Variants in COBL observed in about 807,000 individuals in gnomAD.
COBL encodes the protein cordon-bleu WH2 repeat protein, also known as protein cordon-bleu.
A neutral mutation model predicts 98.8 loss-of-function variants in COBL; 51 were observed. The observed-to-expected ratio is 0.52, with a 90% CI of 0.41 to 0.65. The LOEUF (loss-of-function observed/expected upper bound fraction) is 0.65, where lower values mean the gene tolerates loss of function less well. Among genes scored for constraint, COBL ranks in the 30% least tolerant of loss-of-function variants. The pLI is 0.00. For missense variants in COBL, 1,617 were observed against 1,617.5 expected, an observed-to-expected ratio of 1.00 and a Z score of 0.01; for synonymous variants, 634 against 651.7, an observed-to-expected ratio of 0.97 and a Z score of 0.41.
Position 51,187,185 on chromosome 7 carries a change from A to G in COBL, c.686-2986T>C, listed in dbSNP as rs10254663. Among the ~76,000 whole-genome samples the G allele has an allele frequency of 3.6e-3, 553 of 152,152 alleles. 4 individuals are homozygous for G. The highest frequency in any genetic ancestry group is 0.013 in the African/African-American group (533 of 41,498). ...ACGAGTCCAAACCACTCACTTGTCT[A>G]GAGGAGGAGACTCAGTGACCAGAAC... is the stretch of plus-strand genomic sequence containing the variant. On this transcript the variant is annotated intron_variant, in intron 4 of 12. Coordinates refer to ENST00000265136, the MANE Select transcript of COBL (RefSeq NM_015198.5).
chr7:51,189,156 G>A (rs1384461152), intron 4 of COBL, among the ~76,000 whole-genome samples: 2 of 152,080 alleles, frequency 1.3e-5, no homozygotes, highest in African/African-American at 4.8e-5. Flanking sequence ...AAATGTCAGA[G>A]TACTTTTTTT....
chr7:51,227,123 G>A (rs1037604414), intron 1 of COBL, among the ~76,000 whole-genome samples: 1 of 152,176 alleles, frequency 6.6e-6, no homozygotes, highest in South Asian at 2.1e-4. Flanking sequence ...GCCCTGCAGT[G>A]CCGGCTGATG....
intron 7 of COBL, chr7:51,065,444 C>T (rs1007422618): frequency 1.3e-5 from 9 of 699,168 alleles, no homozygotes; most frequent in Non-Finnish European, 2.4e-5. Context: ...TCAGCTGCTC[C>T]ATAAACTGTA....
chr7:51,252,264 CAT>C (rs1270546707), intron 1 of COBL, among the ~76,000 whole-genome samples: 8 of 152,140 alleles, frequency 5.3e-5, no homozygotes, highest in African/African-American at 1.9e-4. Flanking sequence ...ATATATTGTA[CAT>C]GTTTTTCATA....
At position 51,016,331 on chromosome 7, in the gene COBL, A is replaced by G. The variant is rs1786284869; in HGVS notation, c.*1220T>C. ...CAACGTTAATCAGTGAATGCAGAAC[A>G]GCTTCCATTCTACCTGAGGCCTAGA... On this transcript the variant is annotated 3_prime_UTR_variant, in exon 13 of 13. Transcript: ENST00000265136. 1 of 152,236 alleles carries G rather than the reference A, an allele frequency of 6.6e-6. No individual in the cohort carries two copies. Among genetic ancestry groups the G allele is most frequent in the Admixed American group, 6.5e-5 (1 of 15,280 alleles). The allele number at this position is 152,236 out of a possible 1,614,324, so 9.4% of individuals were successfully genotyped here. A position where few individuals can be genotyped will look rare whatever the true frequency, so the allele number is the denominator to read the frequency against.
chr7:51,146,425 T>A (rs1358827143), intron 5 of COBL, among the ~76,000 whole-genome samples: 1 of 152,176 alleles, frequency 6.6e-6, no homozygotes, highest in East Asian at 1.9e-4. Context: ...AGGTCACCCA[T>A]GAAGTTCACC....
intron 7 of COBL, among the ~76,000 whole-genome samples, chr7:51,070,187 T>C (rs552074070): frequency 6.6e-6 from 1 of 152,294 alleles, no homozygotes; most frequent in Admixed American, 6.5e-5. Flanking sequence ...TATGCGTTGC[T>C]ATTGGTGACA....
In COBL at chr7:51,219,729, A is replaced by G. The variant is rs768614355; in HGVS notation, c.245+12T>C. On this transcript the variant is annotated intron_variant, in intron 2 of 12. Coordinates refer to ENST00000265136, the MANE Select transcript of COBL (RefSeq NM_015198.5). ...TGAGTACAGCGACTCCTCCTGCAGC[A>G]CCGGCTCTCACCTCCCATTGAGCAC... 6.2e-7 allele frequency: 1 copy of G among 1,611,948 alleles called. No homozygotes were observed. Among genetic ancestry groups the G allele is most frequent in the Non-Finnish European group, 8.5e-7 (1 of 1,178,858 alleles).
chr7:51,219,625 C>T (rs965902765), intron 2 of COBL, 116 bp downstream of exon 2: 57 of 1,086,468 alleles, frequency 5.2e-5, no homozygotes, highest in East Asian at 1.2e-4. Context: ...CCATGAGGTT[C>T]CTGAGGTCAG....
At chr7:51,039,297 G>A (rs1025277511) in intron 8 of COBL, among the ~76,000 whole-genome samples, 1 of 152,228 alleles carries the variant, frequency 6.6e-6, no homozygotes, top group Non-Finnish European at 1.5e-5. Flanking sequence ...AGGTGGCCAA[G>A]GTTAGGGCCA....
chr7:51,154,161 G>A (rs1341896043), intron 5 of COBL, among the ~76,000 whole-genome samples: 1 of 152,152 alleles, frequency 6.6e-6, no homozygotes, highest in Non-Finnish European at 1.5e-5. Context: ...GCTTAGCCCA[G>A]GCTTACTAAC....
chr7:51,027,424 G>A (rs1324326878), intron 10 of COBL, among the ~76,000 whole-genome samples: 1 of 152,114 alleles, frequency 6.6e-6, no homozygotes, highest in Non-Finnish European at 1.5e-5. Flanking sequence ...CATTCCTCTG[G>A]CCCTGTGGAT....
At chr7:51,298,160 G>A (rs1224665941) in intron 1 of COBL, among the ~76,000 whole-genome samples, 4 of 152,218 alleles carry the variant, frequency 2.6e-5, no homozygotes, top group African/African-American at 9.7e-5. Flanking sequence ...CAGGCATACG[G>A]AGAGGCCACA....
chr7:51,029,086 C>A lies in COBL; in HGVS notation c.2010G>T (p.Pro670=). Residue 670 remains proline, a synonymous_variant, in exon 10 of 13, where the codon CCG becomes CCT. Transcript: ENST00000265136. ...TQATERVNSQ[P]VNEKDSNDKN... ...TATCGTTGCTGTCCTTTTCATTCAC[C>A]GGTTGGGAATTCACTCTCTCTGTGG... The A allele has an allele frequency of 6.2e-7, 1 of 1,614,176 alleles. No individual in the cohort carries two copies. The highest frequency in any genetic ancestry group is 8.5e-7 in the Non-Finnish European group (1 of 1,180,034).
At chr7:51,128,891 C>T (rs970101789) in intron 6 of COBL, among the ~76,000 whole-genome samples, 6 of 152,332 alleles carry the variant, frequency 3.9e-5, no homozygotes, top group African/African-American at 1.4e-4. Flanking sequence ...CTTACTCCTA[C>T]CTGTGCCCAG....
chr7:51,297,824 T>C (rs1801563120), intron 1 of COBL, among the ~76,000 whole-genome samples: 1 of 152,198 alleles, frequency 6.6e-6, no homozygotes, highest in Admixed American at 6.5e-5. Context: ...AAGTCTCCTC[T>C]TCAGAGGCCA....
At chr7:51,123,333 G>A (rs1797914696) in intron 6 of COBL, among the ~76,000 whole-genome samples, 2 of 152,158 alleles carry the variant, frequency 1.3e-5, no homozygotes, top group African/African-American at 4.8e-5. Flanking sequence ...ATTTGGAGCT[G>A]GCTAGCCTGA....
At chr7:51,060,284 T>C (rs1366616460) in intron 7 of COBL, among the ~76,000 whole-genome samples, 1 of 152,230 alleles carries the variant, frequency 6.6e-6, no homozygotes, top group Non-Finnish European at 1.5e-5. Flanking sequence ...ATCAGTAGCT[T>C]ACAGAATGTA....
chr7:51,117,422 T>C (rs1248660128), intron 6 of COBL, among the ~76,000 whole-genome samples: 1 of 152,104 alleles, frequency 6.6e-6, no homozygotes, highest in African/African-American at 2.4e-5. Context: ...TGAAACTGGA[T>C]ATTTCAAATT....
Sources: gnomAD v4.1 joint callset for allele counts (sites outside exome capture counted in the v4.1 genomes callset) on GRCh38, gnomAD v4.1.1 for gene constraint, MANE v1.5 for transcripts, NCBI Gene and HGNC (gene_info 2026-07-23, HGNC 2026-07-21) for gene names.